The following TASP1 variants were observed in gnomAD, a reference collection of about 807,000 sequenced individuals.
TASP1 encodes the protein taspase 1.
Under a neutral mutation model 56.6 loss-of-function variants are expected in TASP1, and 16 were observed. That is an observed-to-expected ratio of 0.28 (90% CI 0.19 to 0.43). The LOEUF is 0.43. Among genes scored for constraint, TASP1 ranks in the 20% least tolerant of loss-of-function variants. The pLI is 1.00. For synonymous variants in TASP1, 179 were observed against 184.2 expected, an observed-to-expected ratio of 0.97 and a Z score of 0.23; for missense variants, 393 against 511.6, an observed-to-expected ratio of 0.77 and a Z score of 2.24.
chr20:13,363,295 A>G, the TASP1 span, among the ~76,000 whole-genome samples: 3 of 152,142 alleles, frequency 2.0e-5, no homozygotes, highest in Non-Finnish European at 2.9e-5. Flanking sequence ...AATCATGCAT[A>G]CATGATGAAG....
intron 11 of TASP1, among the ~76,000 whole-genome samples, chr20:13,479,132 C>A (rs1215619895): frequency 6.6e-6 from 1 of 151,980 alleles, no homozygotes; most frequent in Non-Finnish European, 1.5e-5. Context: ...ACATACCAAT[C>A]TGTTAGCAGT....
chr20:13,317,814 G>A, the TASP1 span, among the ~76,000 whole-genome samples: 1 of 152,024 alleles, frequency 6.6e-6, no homozygotes, highest in African/African-American at 2.4e-5. Context: ...AGACCTAAAT[G>A]TGAAACATAA....
the TASP1 span, among the ~76,000 whole-genome samples, chr20:13,244,771 A>G: frequency 6.6e-6 from 1 of 152,200 alleles, no homozygotes; most frequent in African/African-American, 2.4e-5. Context: ...TGCACAAGTC[A>G]AAAGTGAGTA....
the TASP1 span, among the ~76,000 whole-genome samples, chr20:13,302,789 A>G: frequency 1.3e-5 from 2 of 152,200 alleles, no homozygotes; most frequent in Admixed American, 6.5e-5. Context: ...ACATCTGAAC[A>G]CAACAGTGGT....
intron 4 of TASP1, among the ~76,000 whole-genome samples, chr20:13,593,553 C>T (rs989282801): frequency 2.6e-5 from 4 of 152,218 alleles, no homozygotes; most frequent in African/African-American, 9.6e-5. Context: ...GATTCTCTCC[C>T]ATGCCTGGCT....
chr20:13,311,732 A>T, the TASP1 span, among the ~76,000 whole-genome samples: 1 of 152,350 alleles, frequency 6.6e-6, no homozygotes, highest in South Asian at 2.1e-4. Flanking sequence ...GAATCTAAAA[A>T]AATCAAACTC....
chr20:13,407,060 A>G (rs1437499249), intron 13 of TASP1, among the ~76,000 whole-genome samples: 1 of 152,218 alleles, frequency 6.6e-6, no homozygotes, highest in East Asian at 1.9e-4. Context: ...AACAGAGTAA[A>G]TTATATCAAT....
chr20:13,185,074 A>C, the TASP1 span, among the ~76,000 whole-genome samples: 3 of 152,190 alleles, frequency 2.0e-5, no homozygotes, highest in African/African-American at 7.2e-5. Context: ...ATCAAAAAGA[A>C]CCAATAAATA....
At chr20:13,165,103 C>CACAA in the TASP1 span, 1 of 419,806 alleles carries the variant, frequency 2.4e-6, no homozygotes, top group African/African-American at 2.0e-5. Flanking sequence ...TAGAAATACA[C>CACAA]ACACACACAC....
the TASP1 span, among the ~76,000 whole-genome samples, chr20:13,112,483 A>G: frequency 5.9e-5 from 9 of 152,194 alleles, no homozygotes; most frequent in Admixed American, 5.9e-4. Flanking sequence ...GCCAGCCCCG[A>G]TTCAAAAGAA....
At chr20:13,284,392 G>A in the TASP1 span, among the ~76,000 whole-genome samples, 2 of 152,312 alleles carry the variant, frequency 1.3e-5, no homozygotes, top group Non-Finnish European at 2.9e-5. Flanking sequence ...TGAGTTATTT[G>A]ATGTCACAGC....
At chr20:13,270,822 T>G in the TASP1 span, 1 of 1,378,666 alleles carries the variant, frequency 7.3e-7, no homozygotes. Context: ...TGGAAACTGC[T>G]GCCTTACCTC....
intron 10 of TASP1, among the ~76,000 whole-genome samples, chr20:13,507,270 C>T (rs6109915): frequency 0.24 from 37,053 of 152,096 alleles, 4,621 homozygotes; most frequent in Middle Eastern, 0.3. Context: ...CAGTGGCTCA[C>T]TCCTATAATC....
Position 13,534,828 on chromosome 20 carries a change from C to A in TASP1, c.676-687G>T, listed in dbSNP as rs142245305. 2.7e-3 allele frequency among the ~76,000 whole-genome samples: 408 copies of A among 152,204 alleles called. 1 individual carries two copies. Among genetic ancestry groups the A allele is most frequent in the Non-Finnish European group, 4.4e-3 (302 of 68,018 alleles). On this transcript the variant is annotated intron_variant, in intron 8 of 13. Transcript: ENST00000337743. ...ATAGTGATATTTACTGACTATGAGC[C>A]GCTGTCTCCTACCTCCAAAGTTTAT...
chr20:13,323,973 T>C, the TASP1 span, among the ~76,000 whole-genome samples: 3 of 152,202 alleles, frequency 2.0e-5, no homozygotes, highest in Non-Finnish European at 4.4e-5. Context: ...GTTAGCTGCT[T>C]TTAGGGTGTG....
At chr20:13,620,237 CTG>C (rs146678625) in intron 4 of TASP1, among the ~76,000 whole-genome samples, 35 of 149,648 alleles carry the variant, frequency 2.3e-4, no homozygotes, top group Non-Finnish European at 4.3e-4. Context: ...TCCCTTTACT[CTG>C]TGTGTGTGTG....
the TASP1 span, among the ~76,000 whole-genome samples, chr20:13,133,648 C>T: frequency 2.0e-5 from 3 of 152,112 alleles, no homozygotes; most frequent in Admixed American, 6.6e-5. Context: ...GCAAGAGAAT[C>T]GCTTGAGCCC....
chr20:13,120,872 G>A, the TASP1 span, among the ~76,000 whole-genome samples: 1 of 152,178 alleles, frequency 6.6e-6, no homozygotes, highest in African/African-American at 2.4e-5. Context: ...GAGTTTTGCT[G>A]TTTTGCTCAC....
the TASP1 span, among the ~76,000 whole-genome samples, chr20:13,260,319 C>A: frequency 1.3e-5 from 2 of 152,124 alleles, no homozygotes; most frequent in African/African-American, 4.8e-5. Context: ...CATGAAAGCA[C>A]AAAGGAGAAC....
Sources: allele counts gnomAD v4.1 joint callset (sites outside exome capture counted in the v4.1 genomes callset), GRCh38; gene constraint gnomAD v4.1.1; transcripts MANE v1.5; gene names NCBI Gene and HGNC (gene_info 2026-07-23, HGNC 2026-07-21).